The following ADGRL3 variants were observed in gnomAD, a reference collection of about 807,000 sequenced individuals.
ADGRL3 encodes adhesion G protein-coupled receptor L3, also known as calcium-independent alpha-latrotoxin receptor 3.
In ADGRL3, 62 loss-of-function variants were observed where a neutral mutation model predicts 153.5. That is an observed-to-expected ratio of 0.40 (90% CI 0.33 to 0.50). The LOEUF (loss-of-function observed/expected upper bound fraction) is 0.50. Among genes scored for constraint, ADGRL3 ranks in the 20% least tolerant of loss-of-function variants. The pLI, the probability that ADGRL3 is intolerant of heterozygous loss-of-function variation, is 0.47. For missense variants in ADGRL3, 1,641 were observed against 1,859.4 expected (o/e 0.88, Z 2.16); for synonymous variants, 710 against 672.5 (o/e 1.06, Z -0.86).
chr4:61,959,955 A>G (rs1429164952), intron 17 of ADGRL3, among the ~76,000 whole-genome samples: 1 of 152,176 alleles, frequency 6.6e-6, no homozygotes, highest in Non-Finnish European at 1.5e-5. Flanking sequence ...ATAATACTTT[A>G]GTATAAATAG....
At chr4:61,789,138 T>G (rs142311740) in intron 8 of ADGRL3, among the ~76,000 whole-genome samples, 5 of 152,276 alleles carry the variant, frequency 3.3e-5, no homozygotes, top group African/African-American at 7.2e-5. Context: ...TACTTATTTT[T>G]GGGATTTTAA....
At chr4:61,718,537 A>G (rs1056313029) in intron 6 of ADGRL3, among the ~76,000 whole-genome samples, 5 of 152,210 alleles carry the variant, frequency 3.3e-5, no homozygotes, top group African/African-American at 1.2e-4. Context: ...TACAAAAAAG[A>G]TCACCTTATG....
chr4:61,445,763 AC>A (rs1282973490), intron 2 of ADGRL3, among the ~76,000 whole-genome samples: 4 of 152,178 alleles, frequency 2.6e-5, no homozygotes, highest in African/African-American at 9.7e-5. Flanking sequence ...ACAGTCATGC[AC>A]CATATATTGA....
intron 5 of ADGRL3, among the ~76,000 whole-genome samples, chr4:61,640,585 G>T (rs2093621199): frequency 6.6e-6 from 1 of 152,148 alleles, no homozygotes; most frequent in African/African-American, 2.4e-5. Flanking sequence ...ATGATGGTGA[G>T]AACTATGTTT....
rs115069749 is a variant in ADGRL3 at position 61,413,806 on chromosome 4, G to T, written c.-174+30617G>T. On this transcript the variant is annotated intron_variant, in intron 2 of 26. Transcript: ENST00000683033. The stretch of plus-strand genomic sequence containing the variant: ...AACGAATGAAACCAGGGAACTCAGA[G>T]CCACGTTGTTCCATGAATCCACATT... 8.6e-3 allele frequency among the ~76,000 whole-genome samples: 1,311 copies of T among 152,246 alleles called. 16 individuals are homozygous for T. The highest frequency in any genetic ancestry group is 0.014 in the Non-Finnish European group (941 of 68,014).
At chr4:61,213,434 G>T (rs1336024666) in intron 1 of ADGRL3, among the ~76,000 whole-genome samples, 1 of 151,552 alleles carries the variant, frequency 6.6e-6, no homozygotes, top group Non-Finnish European at 1.5e-5. Context: ...ATAGCTAATT[G>T]TACATTCTGA....
chr4:61,935,990 C>T lies in ADGRL3; in HGVS notation c.2364C>T (p.Gly788=), dbSNP rs780191652. Residue 788 remains glycine, a synonymous_variant, in exon 15 of 27, where the codon GGC becomes GGT. Coordinates refer to ENST00000683033, the MANE Select transcript of ADGRL3 (RefSeq NM_001387552.1). ...ACCTAAAATTTCCAGAAAACATGGG[C>T]CATGGAAGCACTATCCAGCTGTCTG... The part of the protein sequence containing the change: ...LEDLKFPENM[G]HGSTIQLSAN... 6.2e-7 allele frequency: 1 copy of T among 1,608,296 alleles called. No individual in the cohort carries two copies. Among genetic ancestry groups the T allele is most frequent in the South Asian group, 1.1e-5 (1 of 89,898 alleles).
At chr4:61,799,225 G>T (rs1177478126) in intron 8 of ADGRL3, among the ~76,000 whole-genome samples, 10 of 151,476 alleles carry the variant, frequency 6.6e-5, no homozygotes, top group Non-Finnish European at 1.3e-4. Flanking sequence ...CTACAATTAT[G>T]CCAGGTTATC....
At chr4:61,219,251 T>C (rs935522827) in intron 1 of ADGRL3, among the ~76,000 whole-genome samples, 6 of 152,222 alleles carry the variant, frequency 3.9e-5, no homozygotes, top group African/African-American at 1.4e-4. Flanking sequence ...ATCTAAACTT[T>C]GTTACTGTTT....
chr4:61,504,001 C>A (rs778409102), intron 3 of ADGRL3, among the ~76,000 whole-genome samples: 1 of 151,902 alleles, frequency 6.6e-6, no homozygotes, highest in African/African-American at 2.4e-5. Context: ...TTCTCCAACC[C>A]CCTTTTTGTA....
intron 9 of ADGRL3, among the ~76,000 whole-genome samples, chr4:61,886,263 C>T (rs1294006721): frequency 6.6e-6 from 1 of 152,146 alleles, no homozygotes; most frequent in African/African-American, 2.4e-5. Context: ...CATGGGGTCT[C>T]AGGCAGAATT....
intron 9 of ADGRL3, among the ~76,000 whole-genome samples, chr4:61,888,822 T>C (rs1464534055): frequency 6.6e-6 from 1 of 152,238 alleles, no homozygotes; most frequent in Non-Finnish European, 1.5e-5. Context: ...TCATTGTTAT[T>C]GCTTCATAAG....
chr4:61,553,058 C>T (rs1001703831), intron 4 of ADGRL3, among the ~76,000 whole-genome samples: 4 of 152,104 alleles, frequency 2.6e-5, no homozygotes, highest in South Asian at 4.1e-4. Flanking sequence ...TGGCTTATTG[C>T]GCCTGAGCCA....
Position 62,068,160 on chromosome 4 carries a change from G to C in ADGRL3, c.3815-6G>C. ...TTTCTTTCCTTTTCTTCATGCTGTC[G>C]TTTAGAGCCCTACAGAGAGACAAGT... On this transcript the variant is annotated splice_polypyrimidine_tract_variant and splice_region_variant and intron_variant, in intron 25 of 26. Transcript: ENST00000683033. The C allele has an allele frequency of 6.4e-7, 1 of 1,564,176 alleles. No individual in the cohort carries two copies. The highest frequency in any genetic ancestry group is 8.6e-7 in the Non-Finnish European group (1 of 1,163,530).
At chr4:61,384,915 T>A (rs2096718715) in intron 2 of ADGRL3, among the ~76,000 whole-genome samples, 1 of 152,070 alleles carries the variant, frequency 6.6e-6, no homozygotes. Flanking sequence ...AAGAGTGGAA[T>A]GAAAAGTAAC....
chr4:62,066,432 A>T (rs1743026167), intron 25 of ADGRL3, among the ~76,000 whole-genome samples: 1 of 152,048 alleles, frequency 6.6e-6, no homozygotes, highest in South Asian at 2.1e-4. Flanking sequence ...TGTGTTACTG[A>T]GGCATACAGA....
At chr4:61,552,555 C>A (rs1358840834) in intron 4 of ADGRL3, among the ~76,000 whole-genome samples, 1 of 152,122 alleles carries the variant, frequency 6.6e-6, no homozygotes, top group Non-Finnish European at 1.5e-5. Context: ...CCTCAACCTC[C>A]CAGGCCTAAA....
At chr4:61,512,425 G>T (rs1423297306) in intron 3 of ADGRL3, among the ~76,000 whole-genome samples, 3 of 152,000 alleles carry the variant, frequency 2.0e-5, no homozygotes, top group South Asian at 2.1e-4. Flanking sequence ...TCTTGTGGAG[G>T]CTTCGTCCAT....
intron 6 of ADGRL3, among the ~76,000 whole-genome samples, chr4:61,704,733 A>G (rs2095827335): frequency 6.6e-6 from 1 of 152,174 alleles, no homozygotes; most frequent in Non-Finnish European, 1.5e-5. Context: ...ACCCTCTCAA[A>G]TCCCGCCACT....
Sources: gnomAD v4.1 joint callset for allele counts (sites outside exome capture counted in the v4.1 genomes callset) on GRCh38, gnomAD v4.1.1 for gene constraint, MANE v1.5 for transcripts, NCBI Gene and HGNC (gene_info 2026-07-23, HGNC 2026-07-21) for gene names.